The following TPO variants were observed in gnomAD, a reference collection of about 807,000 sequenced individuals.
The protein encoded by TPO is thyroid microsomal antigen.
Under a neutral mutation model 96.9 loss-of-function variants are expected in TPO, and 78 were observed. The ratio of observed to expected loss-of-function variants is 0.81; its 90% confidence interval spans 0.67 to 0.97. The LOEUF is 0.97. Among genes scored for constraint, TPO ranks in the 50% least tolerant of loss-of-function variants. The pLI, the probability that TPO is intolerant of heterozygous loss-of-function variation, is 0.00. For synonymous variants in TPO, 547 were observed against 538.0 expected (o/e 1.02, Z -0.23); for missense variants, 1,252 against 1,274.8 (o/e 0.98, Z 0.27).
chr2:1,520,276 G>A (rs955162245), intron 15 of TPO, among the ~76,000 whole-genome samples: 25 of 152,206 alleles, frequency 1.6e-4, no homozygotes, highest in Admixed American at 9.2e-4. Flanking sequence ...TCCCAGCCTC[G>A]CCTCCCTGTG....
rs535087842 is a variant in TPO at position 1,465,867 on chromosome 2, G to A, written c.819+9585G>A. 1.4e-3 allele frequency among the ~76,000 whole-genome samples: 218 copies of A among 152,156 alleles called. 2 individuals are homozygous for A. Among genetic ancestry groups the A allele is most frequent in the African/African-American group, 4.9e-3 (204 of 41,526 alleles). ...ACAGCAACAGTTTGACTTCCTCTTC[G>A]CCGATTTGGATGCCCTTTATTTCTT... On this transcript the variant is annotated intron_variant, in intron 7 of 16. Transcript: ENST00000329066.
intron 11 of TPO, 145 bp downstream of exon 11, chr2:1,494,184 C>T (rs1478896669): frequency 2.3e-6 from 2 of 854,668 alleles, no homozygotes; most frequent in East Asian, 2.5e-5. Context: ...GTTTCTCCCA[C>T]CCACAGCTTC....
At position 1,456,076 on chromosome 2, in the gene TPO, G is replaced by T; in HGVS notation, c.613G>T (p.Val205Phe). The change falls in exon 7 of 17, where the codon GTC (valine) becomes TTC (phenylalanine). Residue 205 changes from valine to phenylalanine, a missense_variant and splice_region_variant. Physicochemically the swap from Val to Phe is conservative, Grantham distance 50. Coordinates refer to ENST00000329066, the MANE Select transcript of TPO (RefSeq NM_001206744.2). The stretch of plus-strand genomic sequence containing the variant: ...TGACCAATGGTCTCTTCCTACCCAG[G>T]TCCGGGAGGTGACAAGACATGTCAT... ...FLYNGFPLPPVREVTRHVIQV... is the reference protein window; with the variant it reads ...FLYNGFPLPPFREVTRHVIQV... The T allele has an allele frequency of 6.2e-7, 1 of 1,613,558 alleles. No individual in the cohort carries two copies. Among genetic ancestry groups the T allele is most frequent in the Non-Finnish European group, 8.5e-7 (1 of 1,179,874 alleles).
intron 8 of TPO, among the ~76,000 whole-genome samples, chr2:1,483,229 C>T (rs1046161020): frequency 2.6e-5 from 4 of 152,152 alleles, no homozygotes; most frequent in South Asian, 2.1e-4. Context: ...AACAGCTAGC[C>T]GGGCACAGGT....
chr2:1,495,886 C>T (rs914221714), intron 11 of TPO, 103 bp from the exon 12 acceptor site: 87 of 1,338,882 alleles, frequency 6.5e-5, no homozygotes, highest in Non-Finnish European at 8.8e-5. Context: ...GCAGACGCCG[C>T]AGGAGAGGCT....
At chr2:1,408,776 G>A (rs913740378), upstream of TPO, among the ~76,000 whole-genome samples, 38 of 152,258 alleles carry the variant, frequency 2.5e-4, no homozygotes, top group Admixed American at 2.4e-3. Context: ...GGAAGGACAC[G>A]GGGAAATGCA....
intron 14 of TPO, among the ~76,000 whole-genome samples, chr2:1,510,734 A>G (rs1268092917): frequency 1.3e-5 from 2 of 152,006 alleles, no homozygotes; most frequent in Non-Finnish European, 2.9e-5. Flanking sequence ...TGAGCCTAAG[A>G]CCATTCTGTG....
upstream of TPO, among the ~76,000 whole-genome samples, chr2:1,411,394 C>T (rs1662333320): frequency 6.6e-6 from 1 of 152,190 alleles, no homozygotes; most frequent in African/African-American, 2.4e-5. Context: ...TGCAAACCCC[C>T]TCTTCCCAGG....
intron 5 of TPO, chr2:1,438,860 C>T (rs1211957705): frequency 5.6e-6 from 4 of 717,204 alleles, no homozygotes; most frequent in Non-Finnish European, 7.8e-6. Context: ...GCCAACTAAC[C>T]TGTTTAACTA....
At chr2:1,500,256 G>T (rs1157551817) in intron 13 of TPO, among the ~76,000 whole-genome samples, 1 of 152,218 alleles carries the variant, frequency 6.6e-6, no homozygotes, top group African/African-American at 2.4e-5. Context: ...AGCCTGAGAT[G>T]GGGACAGGTA....
intron 5 of TPO, among the ~76,000 whole-genome samples, chr2:1,449,810 G>A (rs997348568): frequency 6.6e-5 from 10 of 152,304 alleles, no homozygotes; most frequent in East Asian, 1.9e-4. Context: ...AGCTCATGCC[G>A]ATTATAGAAA....
intron 16 of TPO, 71 bp from the exon 17 acceptor site, chr2:1,542,350 T>TATCAAGTGTGTGCTGTTAC: frequency 2.5e-6 from 4 of 1,594,074 alleles, no homozygotes; most frequent in Non-Finnish European, 3.4e-6. Flanking sequence ...TTCTGTCTTG[T>TATCAAGTGTGTGCTGTTAC]ATCAAGTGTG....
intron 1 of TPO, among the ~76,000 whole-genome samples, chr2:1,388,023 T>C (rs886803346): frequency 6.6e-6 from 1 of 152,120 alleles, no homozygotes; most frequent in Non-Finnish European, 1.5e-5. Context: ...TGCAGAACAG[T>C]GAATATTGCT....
intron 7 of TPO, among the ~76,000 whole-genome samples, chr2:1,476,570 G>A (rs28910594): frequency 0.018 from 2,795 of 152,258 alleles, 96 homozygotes; most frequent in African/African-American, 0.065. Flanking sequence ...CAAGTCCATG[G>A]CACTGGAAAG....
chr2:1,385,245 C>G (rs991723285), intron 1 of TPO, among the ~76,000 whole-genome samples: 7 of 152,068 alleles, frequency 4.6e-5, no homozygotes, highest in Non-Finnish European at 7.3e-5. Flanking sequence ...GGGAGGATTC[C>G]CTCTTTTTGT....
chr2:1,496,080 G>A lies in TPO; in HGVS notation c.2098G>A (p.Gly700Ser). 1 of 1,614,050 alleles carries A rather than the reference G, an allele frequency of 6.2e-7. No individual in the cohort carries two copies. Among genetic ancestry groups the A allele is most frequent in the Non-Finnish European group, 8.5e-7 (1 of 1,180,026 alleles). The change falls in exon 12 of 17, where the codon GGC (glycine) becomes AGC (serine). Residue 700 changes from glycine to serine, a missense_variant. By Grantham distance (56) the Gly-to-Ser change is moderately conservative. Transcript: ENST00000329066. ...GTCTCGGGTCATCTGTGACAACACT[G>A]GCCTCACCAGGGTGCCCATGGATGC... is the stretch of plus-strand genomic sequence containing the variant. Reference protein sequence around the residue: ...SLSRVICDNTGLTRVPMDAFQ... With the variant: ...SLSRVICDNTSLTRVPMDAFQ...
At chr2:1,541,689 G>A (rs1250671038) in intron 16 of TPO, 1 of 152,228 alleles carries the variant, frequency 6.6e-6, no homozygotes, top group East Asian at 1.9e-4. Flanking sequence ...AAAGATGTGA[G>A]GTGATATGTT....
chr2:1,403,663 C>T (rs1265021633), intron 1 of TPO, among the ~76,000 whole-genome samples: 1 of 152,202 alleles, frequency 6.6e-6, no homozygotes, highest in Non-Finnish European at 1.5e-5. Flanking sequence ...GGACGCTTCT[C>T]TGTCAAGCAA....
intron 3 of TPO, among the ~76,000 whole-genome samples, chr2:1,427,544 C>A (rs921969400): frequency 2.6e-5 from 4 of 152,172 alleles, no homozygotes; most frequent in African/African-American, 9.7e-5. Flanking sequence ...TGCTTTTCTC[C>A]CACCATGGCA....
Sources: gnomAD v4.1 joint callset for allele counts (sites outside exome capture counted in the v4.1 genomes callset) on GRCh38, gnomAD v4.1.1 for gene constraint, MANE v1.5 for transcripts, NCBI Gene and HGNC (gene_info 2026-07-23, HGNC 2026-07-21) for gene names.